Variants in TCF12 observed in about 807,000 individuals in gnomAD.
TCF12 encodes DNA-binding protein HTF4.
In TCF12, 45 loss-of-function variants were observed where a neutral mutation model predicts 86.0. That is an observed-to-expected ratio of 0.52 (90% CI 0.41 to 0.67). The LOEUF is 0.67. TCF12 is among the 30% of genes least tolerant of loss of function. TCF12 has a pLI of 0.00. For synonymous variants in TCF12, 330 were observed against 299.6 expected (o/e 1.10, Z -1.05); for missense variants, 881 against 859.9 (o/e 1.02, Z -0.31).
chr15:57,218,603 T>G (rs889710997), intron 8 of TCF12, among the ~76,000 whole-genome samples: 1 of 152,048 alleles, frequency 6.6e-6, no homozygotes, highest in Non-Finnish European at 1.5e-5. Context: ...GAAAGACTTA[T>G]AGGAAACTGT....
At chr15:57,148,123 A>G (rs1163039365) in intron 5 of TCF12, among the ~76,000 whole-genome samples, 1 of 152,024 alleles carries the variant, frequency 6.6e-6, no homozygotes, top group African/African-American at 2.4e-5. Context: ...GGCTCAAGCC[A>G]TCCTCCCACC....
At position 57,282,595 on chromosome 15, in the gene TCF12, C is replaced by G; in HGVS notation, c.*8C>G. On this transcript the variant is annotated 3_prime_UTR_variant, in exon 20 of 21. Transcript: ENST00000333725. ...CCTATGGGTCATATGTAAACATCAGCCAGGTAAGTACGGGTTTGAAAAGAA... is the reference window on the plus strand; with the variant it reads ...CCTATGGGTCATATGTAAACATCAGGCAGGTAAGTACGGGTTTGAAAAGAA... The G allele has an allele frequency of 6.2e-7, 1 of 1,611,728 alleles. No homozygotes were observed. Among genetic ancestry groups the G allele is most frequent in the South Asian group, 1.1e-5 (1 of 90,258 alleles).
At chr15:56,965,616 G>A (rs1237003276) in intron 3 of TCF12, among the ~76,000 whole-genome samples, 18 of 152,092 alleles carry the variant, frequency 1.2e-4, no homozygotes, top group African/African-American at 4.3e-4. Flanking sequence ...TGAAGAAATA[G>A]TTAAAATACA....
chr15:56,944,767 A>C (rs753078236), intron 3 of TCF12, among the ~76,000 whole-genome samples: 49 of 152,176 alleles, frequency 3.2e-4, no homozygotes, highest in Admixed American at 9.8e-4. Context: ...TAACTGCAAA[A>C]TAGTATGAGA....
intron 5 of TCF12, among the ~76,000 whole-genome samples, chr15:57,126,984 C>CT (rs11361012): frequency 0.012 from 1,653 of 137,530 alleles, 8 homozygotes; most frequent in Admixed American, 0.016. Context: ...TTTTTCTTTT[C>CT]TTTTTTTTTT....
At chr15:57,251,507 A>T in intron 14 of TCF12, 84 bp downstream of exon 14, 1 of 1,317,372 alleles carries the variant, frequency 7.6e-7, no homozygotes, top group South Asian at 1.2e-5. Flanking sequence ...ATAAAGAAAC[A>T]GTAGGCTAGC....
At chr15:56,961,207 A>G (rs866090900) in intron 3 of TCF12, among the ~76,000 whole-genome samples, 1 of 152,204 alleles carries the variant, frequency 6.6e-6, no homozygotes, top group Non-Finnish European at 1.5e-5. Flanking sequence ...TGCTTTGAGC[A>G]TAACGAAGGT....
intron 8 of TCF12, chr15:57,219,643 T>A: frequency 6.5e-7 from 1 of 1,531,640 alleles, no homozygotes; most frequent in Non-Finnish European, 9.0e-7. Flanking sequence ...AGGAAAGCAG[T>A]ATACATTACT....
intron 4 of TCF12, among the ~76,000 whole-genome samples, chr15:57,086,788 T>A (rs2585098): frequency 0.017 from 2,530 of 151,692 alleles, 75 homozygotes; most frequent in African/African-American, 0.058. Context: ...TTCTTTTTTT[T>A]AAACTGATTT....
chr15:57,059,153 G>C (rs1040590872), intron 3 of TCF12, among the ~76,000 whole-genome samples: 2 of 152,166 alleles, frequency 1.3e-5, no homozygotes, highest in Non-Finnish European at 2.9e-5. Context: ...TATTTTTGGA[G>C]TACATTTTAC....
chr15:57,017,952 A>G (rs564698036), intron 3 of TCF12, among the ~76,000 whole-genome samples: 1 of 152,312 alleles, frequency 6.6e-6, no homozygotes, highest in East Asian at 1.9e-4. Context: ...GTAAACCTCC[A>G]TGTATCACAA....
At chr15:57,270,636 A>G (rs2061092683) in intron 18 of TCF12, among the ~76,000 whole-genome samples, 1 of 152,146 alleles carries the variant, frequency 6.6e-6, no homozygotes, top group South Asian at 2.1e-4. Context: ...TTGGAGGAGA[A>G]GAGGCGTTCT....
At chr15:57,075,227 T>C (rs1310826392) in intron 4 of TCF12, among the ~76,000 whole-genome samples, 2 of 152,224 alleles carry the variant, frequency 1.3e-5, no homozygotes. Context: ...GAGTTGACTT[T>C]TCTGAGTTTT....
chr15:57,174,763 A>G (rs765491731), intron 6 of TCF12, among the ~76,000 whole-genome samples: 8 of 152,234 alleles, frequency 5.3e-5, no homozygotes, highest in Non-Finnish European at 8.8e-5. Flanking sequence ...TTAACAGAAT[A>G]GTACTGCTTA....
chr15:56,954,485 C>G (rs943708067), intron 3 of TCF12, among the ~76,000 whole-genome samples: 1 of 152,078 alleles, frequency 6.6e-6, no homozygotes, highest in African/African-American at 2.4e-5. Context: ...AAAGCCTAGG[C>G]AATACTATTC....
At chr15:57,229,948 A>G (rs1428369596) in intron 8 of TCF12, among the ~76,000 whole-genome samples, 2 of 151,908 alleles carry the variant, frequency 1.3e-5, no homozygotes, top group Non-Finnish European at 1.5e-5. Flanking sequence ...TTGGGATCCC[A>G]TTTTAATCTG....
At chr15:57,099,377 C>G (rs1347802379) in intron 5 of TCF12, among the ~76,000 whole-genome samples, 2 of 151,960 alleles carry the variant, frequency 1.3e-5, no homozygotes, top group Middle Eastern at 3.4e-3. Flanking sequence ...TATGGGTAAT[C>G]CGTCCTAGAA....
intron 3 of TCF12, among the ~76,000 whole-genome samples, chr15:56,970,446 C>T (rs936566480): frequency 3.0e-5 from 4 of 135,300 alleles, no homozygotes; most frequent in Admixed American, 1.7e-4. Context: ...CGCCACTGCA[C>T]TCCAGCCTGG....
chr15:56,962,943 A>G (rs1356234283), intron 3 of TCF12, among the ~76,000 whole-genome samples: 1 of 151,810 alleles, frequency 6.6e-6, no homozygotes. Context: ...GAAGAATTAA[A>G]TGCTCATGAT....
Sources: allele counts gnomAD v4.1 joint callset (sites outside exome capture counted in the v4.1 genomes callset), GRCh38; gene constraint gnomAD v4.1.1; transcripts MANE v1.5; gene names NCBI Gene and HGNC (gene_info 2026-07-23, HGNC 2026-07-21).